Variants in LIN52 observed in about 807,000 individuals in gnomAD.
LIN52 encodes protein lin-52 homolog.
LIN52 carries 4 observed loss-of-function variants against 18.5 expected under a neutral mutation model. The observed-to-expected ratio is 0.22, with a 90% CI of 0.11 to 0.49. The LOEUF (loss-of-function observed/expected upper bound fraction) is 0.49. Ranked by LOEUF, LIN52 falls within the 20% of genes least tolerant of loss-of-function variation. The pLI is 0.97. For synonymous variants in LIN52, 34 were observed against 45.5 expected (o/e 0.75, Z 1.02); for missense variants, 102 against 139.5 (o/e 0.73, Z 1.35).
chr14:74,172,355 A>G (rs1429425520), intron 5 of LIN52, among the ~76,000 whole-genome samples: 1 of 152,214 alleles, frequency 6.6e-6, no homozygotes, highest in Non-Finnish European at 1.5e-5. Flanking sequence ...AATCTTGACA[A>G]GTTATATAAC....
At chr14:74,148,629 C>G (rs1458666015) in intron 5 of LIN52, among the ~76,000 whole-genome samples, 1 of 152,134 alleles carries the variant, frequency 6.6e-6, no homozygotes, top group East Asian at 1.9e-4. Flanking sequence ...CTGTAAGATT[C>G]CATGTAAAAT....
chr14:74,113,477 TG>T (rs1204213918), intron 5 of LIN52, among the ~76,000 whole-genome samples: 2 of 151,308 alleles, frequency 1.3e-5, no homozygotes, highest in African/African-American at 4.9e-5. Flanking sequence ...CTAGGTAGAG[TG>T]AATGTTAAAG....
chr14:74,140,877 T>A (rs2061126675), intron 5 of LIN52, among the ~76,000 whole-genome samples: 1 of 152,212 alleles, frequency 6.6e-6, no homozygotes, highest in African/African-American at 2.4e-5. Flanking sequence ...TGGATTGCCT[T>A]GTCCTAGCAA....
At chr14:74,143,667 A>G (rs781147258) in intron 5 of LIN52, among the ~76,000 whole-genome samples, 4 of 152,150 alleles carry the variant, frequency 2.6e-5, no homozygotes, top group Non-Finnish European at 4.4e-5. Context: ...GATACATTAT[A>G]ATTGTACATG....
intron 4 of LIN52, 32 bp downstream of exon 4, chr14:74,097,892 A>C: frequency 1.3e-6 from 2 of 1,518,586 alleles, no homozygotes; most frequent in Non-Finnish European, 1.8e-6. Context: ...TTTTAACTGG[A>C]TATTTATGTT....
intron 5 of LIN52, among the ~76,000 whole-genome samples, chr14:74,132,090 T>G (rs2061071663): frequency 6.6e-6 from 1 of 152,256 alleles, no homozygotes; most frequent in Non-Finnish European, 1.5e-5. Flanking sequence ...TTCTTACATG[T>G]GTATACTCAT....
intron 4 of LIN52, among the ~76,000 whole-genome samples, chr14:74,100,730 C>T (rs2060848062): frequency 6.6e-6 from 1 of 152,148 alleles, no homozygotes; most frequent in Admixed American, 6.5e-5. Flanking sequence ...CCCGCCTTGG[C>T]CTCCCAAAGT....
rs71460959 is a variant in LIN52 at position 74,137,498 on chromosome 14, C to CTTTTTTTTTTTTTTTTTT, written c.283+36261_283+36278dup. ...GCACTAAATTCTTCACAGCAGCTCT[C>CTTTTTTTTTTTTTTTTTT]TTTTTTTTTTTTTTTTTTGAGATGG... On this transcript the variant is annotated intron_variant, in intron 5 of 5. Coordinates refer to ENST00000555028, the MANE Select transcript of LIN52 (RefSeq NM_001024674.3). Among the ~76,000 whole-genome samples, 67 of 111,600 alleles carry CTTTTTTTTTTTTTTTTTT rather than the reference C, an allele frequency of 6.0e-4. 5 individuals carry two copies. Among genetic ancestry groups the CTTTTTTTTTTTTTTTTTT allele is most frequent in the East Asian group, 1.6e-3 (4 of 2,558 alleles). 73.2% of individuals were successfully genotyped at this position (111,600 alleles called of 152,430 possible). A position where few individuals can be genotyped will look rare whatever the true frequency, so the allele number is the denominator to read the frequency against.
chr14:74,133,757 C>T (rs1006209990), intron 5 of LIN52, among the ~76,000 whole-genome samples: 3 of 152,256 alleles, frequency 2.0e-5, no homozygotes, highest in Admixed American at 2.0e-4. Flanking sequence ...TCCACAGTGG[C>T]GATGGTAAAA....
chr14:74,087,119 A>T (rs546557070), intron 1 of LIN52, among the ~76,000 whole-genome samples: 1 of 152,148 alleles, frequency 6.6e-6, no homozygotes, highest in Non-Finnish European at 1.5e-5. Context: ...GAAGAGTATT[A>T]AAAACATTAA....
intron 5 of LIN52, among the ~76,000 whole-genome samples, chr14:74,141,554 C>T (rs1442614559): frequency 6.6e-6 from 1 of 152,188 alleles, no homozygotes; most frequent in Non-Finnish European, 1.5e-5. Flanking sequence ...TCTGCTTTTA[C>T]ATGAAGTGAT....
chr14:74,194,441 C>T (rs766670368), intron 5 of LIN52, among the ~76,000 whole-genome samples: 1 of 152,202 alleles, frequency 6.6e-6, no homozygotes, highest in Non-Finnish European at 1.5e-5. Flanking sequence ...CAGCCCTGAC[C>T]TCTCCAAGTA....
chr14:74,101,461 T>G (rs1041946632), intron 5 of LIN52, among the ~76,000 whole-genome samples: 1 of 84,672 alleles, frequency 1.2e-5, no homozygotes, highest in African/African-American at 5.9e-5. Flanking sequence ...ATGATTTTTC[T>G]TTTTTTTTTT....
chr14:74,168,390 C>T (rs997410223), intron 5 of LIN52, among the ~76,000 whole-genome samples: 1 of 152,070 alleles, frequency 6.6e-6, no homozygotes, highest in Admixed American at 6.5e-5. Flanking sequence ...CCAGCTTTGC[C>T]GGGCGCGGTG....
At chr14:74,164,224 G>A (rs1030154410) in intron 5 of LIN52, among the ~76,000 whole-genome samples, 5 of 151,588 alleles carry the variant, frequency 3.3e-5, no homozygotes, top group African/African-American at 1.2e-4. Context: ...CTCGTGATCC[G>A]CCTGCCTCGG....
At chr14:74,144,279 A>ATT (rs753886362) in intron 5 of LIN52, among the ~76,000 whole-genome samples, 1 of 144,616 alleles carries the variant, frequency 6.9e-6, no homozygotes, top group Non-Finnish European at 1.5e-5. Context: ...CACCCAGCTA[A>ATT]TTTTTTTTTT....
At chr14:74,144,115 T>C (rs2061144271) in intron 5 of LIN52, among the ~76,000 whole-genome samples, 1 of 131,326 alleles carries the variant, frequency 7.6e-6, no homozygotes, top group Non-Finnish European at 1.6e-5. Context: ...CATGACAAGG[T>C]TTTATTCTTC....
At chr14:74,190,388 A>ATTT (rs2061358409) in intron 5 of LIN52, among the ~76,000 whole-genome samples, 3 of 64,308 alleles carry the variant, frequency 4.7e-5, no homozygotes, top group Admixed American at 1.8e-4. Context: ...TGCCTAAATA[A>ATTT]CTTTTTTTTT....
intron 5 of LIN52, among the ~76,000 whole-genome samples, chr14:74,162,214 G>A (rs952554243): frequency 3.3e-5 from 5 of 151,988 alleles, no homozygotes; most frequent in East Asian, 1.9e-4. Flanking sequence ...AAAAATTGCC[G>A]CCTGTAATCC....
Sources: gnomAD v4.1 joint callset for allele counts (sites outside exome capture counted in the v4.1 genomes callset) on GRCh38, gnomAD v4.1.1 for gene constraint, MANE v1.5 for transcripts, NCBI Gene and HGNC (gene_info 2026-07-23, HGNC 2026-07-21) for gene names.